Variants in SLA observed in about 807,000 individuals in gnomAD.
SLA encodes the protein Src like adaptor, also known as src-like-adapter.
In SLA, 16 loss-of-function variants were observed where a neutral mutation model predicts 30.3. The observed-to-expected ratio is 0.53, with a 90% CI of 0.36 to 0.80. SLA has a LOEUF of 0.80. Ranked by LOEUF, SLA falls within the 30% of genes least tolerant of loss-of-function variation. The pLI is 0.01. For missense variants in SLA, 310 were observed against 345.2 expected (o/e 0.90, Z 0.81); for synonymous variants, 143 against 137.8 (o/e 1.04, Z -0.26).
At chr8:133,076,758 G>GAAAAAA (rs1844929734) in intron 1 of SLA, 1 of 51,042 alleles carries the variant, frequency 2.0e-5, no homozygotes, top group African/African-American at 1.4e-4. Context: ...GGATTTAGCT[G>GAAAAAA]TAAAAAAAAA....
chr8:133,064,810 GTCCCAGGACAGTT>G (rs1456995198), intron 2 of SLA, among the ~76,000 whole-genome samples: 1 of 152,152 alleles, frequency 6.6e-6, no homozygotes, highest in East Asian at 1.9e-4. Context: ...CTGGGACAGT[GTCCCAGGACAGTT>G]GTATGCACCT....
At chr8:133,078,953 G>A (rs112014521) in intron 1 of SLA, among the ~76,000 whole-genome samples, 3,683 of 152,210 alleles carry the variant, frequency 0.024, 155 homozygotes, top group African/African-American at 0.084. Flanking sequence ...TCGGTAGGGA[G>A]GGGGCCAGTA....
intron 6 of SLA, among the ~76,000 whole-genome samples, chr8:133,045,763 T>C (rs1310446840): frequency 1.3e-5 from 2 of 152,146 alleles, no homozygotes; most frequent in East Asian, 1.9e-4. Flanking sequence ...AATGGAATGA[T>C]TGTAGTTTGG....
At chr8:133,075,595 C>T (rs1362533853) in intron 1 of SLA, among the ~76,000 whole-genome samples, 2 of 152,210 alleles carry the variant, frequency 1.3e-5, no homozygotes, top group Non-Finnish European at 2.9e-5. Context: ...TCTTAGGGGA[C>T]ATGCGGTGAC....
intron 1 of SLA, among the ~76,000 whole-genome samples, chr8:133,080,475 C>T (rs994452138): frequency 2.6e-5 from 4 of 152,108 alleles, no homozygotes; most frequent in South Asian, 2.1e-4. Flanking sequence ...GGTCTTCCCA[C>T]GTCCCACCTC....
chr8:133,051,507 G>A (rs911758135), intron 3 of SLA, among the ~76,000 whole-genome samples: 1 of 152,086 alleles, frequency 6.6e-6, no homozygotes, highest in Non-Finnish European at 1.5e-5. Context: ...CTTATTTCTT[G>A]CAGAATATAA....
chr8:133,097,122 G>GAA (rs2131652200), intron 1 of SLA, among the ~76,000 whole-genome samples: 1 of 152,340 alleles, frequency 6.6e-6, no homozygotes, highest in South Asian at 2.1e-4. Context: ...CTCTGGGCGT[G>GAA]GGTGGAGTGC....
At chr8:133,048,974 G>A (rs1331779905) in intron 5 of SLA, 1 of 332,014 alleles carries the variant, frequency 3.0e-6, no homozygotes, top group Non-Finnish European at 6.1e-6. Context: ...ATCAATGGAT[G>A]CCTCCTTCTT....
chr8:133,038,618 G>A lies in SLA; in HGVS notation c.737C>T (p.Ser246Phe). 3.1e-6 allele frequency: 5 copies of A among 1,614,040 alleles called. No individual in the cohort carries two copies. The highest frequency in any genetic ancestry group is 4.2e-6 in the Non-Finnish European group (5 of 1,179,916). Residue 246 changes from serine to phenylalanine, a missense_variant, in exon 9 of 9, where the codon TCC becomes TTC. Ser to Phe is a radical substitution (Grantham distance 155, BLOSUM62 -2). Transcript: ENST00000338087. ...YLSLTSEDNT[S>F]FDRKKKSISL... Reference sequence around the variant, plus strand: ...GATGCTTTTCTTCTTTCGATCAAAGGAGGTGTTGTCCTCACTGGTCAGGGA... The same window carrying A: ...GATGCTTTTCTTCTTTCGATCAAAGAAGGTGTTGTCCTCACTGGTCAGGGA...
In SLA at chr8:133,038,030, A is replaced by G. The variant is rs778483832; in HGVS notation, c.*494T>C. 1 of 158,158 alleles carries G rather than the reference A, an allele frequency of 6.3e-6. No homozygotes were observed. The highest frequency in any genetic ancestry group is 1.4e-5 in the Non-Finnish European group (1 of 71,756). 9.8% of individuals were successfully genotyped at this position (158,158 alleles called of 1,614,324 possible). On this transcript the variant is annotated 3_prime_UTR_variant, in exon 9 of 9. Transcript: ENST00000338087. ...AGAGGAAAGCATACCAGAAGTCCCTATGGATTAGTTAAAGTAGTTCCATTC... is the reference window on the plus strand; with the variant it reads ...AGAGGAAAGCATACCAGAAGTCCCTGTGGATTAGTTAAAGTAGTTCCATTC...
chr8:133,075,472 C>T (rs1206359944), intron 1 of SLA, among the ~76,000 whole-genome samples: 2 of 152,152 alleles, frequency 1.3e-5, no homozygotes, highest in Non-Finnish European at 2.9e-5. Context: ...CTAGAAAGAA[C>T]ATTATGAGAT....
At chr8:133,064,966 C>T (rs987234442) in intron 2 of SLA, among the ~76,000 whole-genome samples, 30 of 152,352 alleles carry the variant, frequency 2.0e-4, no homozygotes, top group African/African-American at 7.2e-4. Flanking sequence ...AAGCCAGGAA[C>T]TGAACCCTTG....
In SLA at chr8:133,038,450, G is replaced by A. The variant is rs1175329654; in HGVS notation, c.*74C>T. 1.7e-5 allele frequency: 21 copies of A among 1,233,290 alleles called. No individual in the cohort carries two copies. Among genetic ancestry groups the A allele is most frequent in the South Asian group, 7.4e-5 (6 of 80,932 alleles). The allele number at this position is 1,233,290 out of a possible 1,614,324, so 76.4% of individuals were successfully genotyped here. On this transcript the variant is annotated 3_prime_UTR_variant, in exon 9 of 9. Transcript: ENST00000338087. ...AGGCTCCCAGGGATCAGGGAACCTC[G>A]CTTTTCGCAAGATCCCAGGCAATAG...
intron 7 of SLA, among the ~76,000 whole-genome samples, chr8:133,043,955 C>T (rs1321743735): frequency 6.6e-6 from 1 of 152,194 alleles, no homozygotes; most frequent in Non-Finnish European, 1.5e-5. Context: ...GTAAAAGTGG[C>T]TGGCATTTAA....
At chr8:133,078,103 T>G (rs1845181396) in intron 1 of SLA, among the ~76,000 whole-genome samples, 2 of 152,328 alleles carry the variant, frequency 1.3e-5, no homozygotes, top group South Asian at 4.1e-4. Context: ...GGTACACATC[T>G]AAGAAGCTGC....
chr8:133,094,114 A>G (rs1287905666), intron 1 of SLA, among the ~76,000 whole-genome samples: 1 of 152,028 alleles, frequency 6.6e-6, no homozygotes, highest in Non-Finnish European at 1.5e-5. Context: ...ACTGGTCAGG[A>G]CCCCACTCAG....
In SLA at chr8:133,040,316, T is replaced by C. The variant is rs536313719; in HGVS notation, c.485-186A>G. 687 of 631,448 alleles carry C rather than the reference T, an allele frequency of 1.1e-3. 2 individuals are homozygous for C. Among genetic ancestry groups the C allele is most frequent in the Non-Finnish European group, 1.6e-3 (594 of 364,426 alleles). 39.1% of individuals were successfully genotyped at this position (631,448 alleles called of 1,614,324 possible). On this transcript the variant is annotated intron_variant, in intron 7 of 8. Transcript: ENST00000338087. Reference sequence around the variant, plus strand: ...GTCACGCGCCCAGCTGTTTGAGAAATGTAAGCGTGCCCTGGTATACTCTGC... The same window carrying C: ...GTCACGCGCCCAGCTGTTTGAGAAACGTAAGCGTGCCCTGGTATACTCTGC...
At chr8:133,069,308 A>G (rs150199935) in intron 2 of SLA, among the ~76,000 whole-genome samples, 4 of 152,384 alleles carry the variant, frequency 2.6e-5, no homozygotes, top group African/African-American at 9.6e-5. Context: ...CAAGATGGGA[A>G]TCAGCATTTC....
chr8:133,047,024 G>T (rs931360163), intron 6 of SLA: 2 of 152,148 alleles, frequency 1.3e-5, no homozygotes. Flanking sequence ...TTATTATTCA[G>T]TCTGGGAAAA....
Sources: allele counts gnomAD v4.1 joint callset (sites outside exome capture counted in the v4.1 genomes callset), GRCh38; gene constraint gnomAD v4.1.1; transcripts MANE v1.5; gene names NCBI Gene and HGNC (gene_info 2026-07-23, HGNC 2026-07-21).